The following LRP1B variants were observed in gnomAD, a reference collection of about 807,000 sequenced individuals.
LRP1B encodes LDL receptor related protein 1B, also known as low-density lipoprotein receptor-related protein 1B.
A neutral mutation model predicts 556.6 loss-of-function variants in LRP1B; 217 were observed. The ratio of observed to expected loss-of-function variants is 0.39; its 90% CI spans 0.35 to 0.44. The LOEUF (loss-of-function observed/expected upper bound fraction) is 0.44, where lower values mean the gene tolerates loss of function less well. LRP1B is among the 20% of genes least tolerant of loss of function. LRP1B has a pLI of 1.00. For synonymous variants in LRP1B, 2,047 were observed against 1,865.8 expected (o/e 1.10, Z -2.50); for missense variants, 5,053 against 5,620.8 (o/e 0.90, Z 3.23).
intron 2 of LRP1B, among the ~76,000 whole-genome samples, chr2:141,581,434 C>T (rs914694505): frequency 2.0e-5 from 3 of 152,012 alleles, no homozygotes; most frequent in African/African-American, 7.2e-5. Flanking sequence ...AAACACCTAT[C>T]TAGGTAGGTG....
intron 6 of LRP1B, among the ~76,000 whole-genome samples, chr2:141,206,524 T>A (rs1682290337): frequency 6.6e-6 from 1 of 151,874 alleles, no homozygotes; most frequent in Non-Finnish European, 1.5e-5. Context: ...GAGGCGGAGC[T>A]TGCAGTGAGC....
At chr2:141,211,315 A>AAAAT in intron 6 of LRP1B, among the ~76,000 whole-genome samples, 1 of 151,462 alleles carries the variant, frequency 6.6e-6, no homozygotes, top group South Asian at 2.1e-4. Context: ...AAAAAAAAAA[A>AAAAT]ACAAAACAAA....
intron 32 of LRP1B, among the ~76,000 whole-genome samples, chr2:140,789,049 T>C (rs959970623): frequency 1.2e-4 from 18 of 152,162 alleles, no homozygotes; most frequent in African/African-American, 4.3e-4. Flanking sequence ...ATAATGTCTA[T>C]TGTTTAAGAT....
intron 1 of LRP1B, among the ~76,000 whole-genome samples, chr2:142,046,661 T>A (rs1180414984): frequency 2.0e-5 from 3 of 152,012 alleles, no homozygotes; most frequent in African/African-American, 7.2e-5. Context: ...TGTTGGCCAT[T>A]GAAGTGAAAG....
intron 1 of LRP1B, among the ~76,000 whole-genome samples, chr2:142,055,271 T>A (rs1704627326): frequency 6.6e-6 from 1 of 151,984 alleles, no homozygotes; most frequent in Non-Finnish European, 1.5e-5. Context: ...TGGATAAAGG[T>A]AAGAAAACAT....
chr2:141,372,483 G>C (rs1005972625), intron 3 of LRP1B, among the ~76,000 whole-genome samples: 1 of 152,004 alleles, frequency 6.6e-6, no homozygotes, highest in Non-Finnish European at 1.5e-5. Flanking sequence ...ATGTTTGGTA[G>C]AATTTGGCTG....
At chr2:141,871,976 A>G (rs1698602141) in intron 1 of LRP1B, among the ~76,000 whole-genome samples, 1 of 151,984 alleles carries the variant, frequency 6.6e-6, no homozygotes, top group African/African-American at 2.4e-5. Context: ...TCACAGTGGG[A>G]AAGAGAAGAG....
intron 7 of LRP1B, among the ~76,000 whole-genome samples, chr2:141,074,926 T>C (rs1283708304): frequency 6.6e-6 from 1 of 152,138 alleles, no homozygotes; most frequent in Non-Finnish European, 1.5e-5. Context: ...AGTGATTAGT[T>C]CAGGGTTAGA....
At chr2:141,133,036 A>G (rs994396129) in intron 7 of LRP1B, among the ~76,000 whole-genome samples, 1 of 152,026 alleles carries the variant, frequency 6.6e-6, no homozygotes, top group African/African-American at 2.4e-5. Context: ...TTTCAACAGC[A>G]TGCATCTATG....
intron 3 of LRP1B, among the ~76,000 whole-genome samples, chr2:141,260,348 TA>T (rs1230011879): frequency 6.6e-6 from 1 of 152,218 alleles, no homozygotes; most frequent in East Asian, 1.9e-4. Flanking sequence ...GCATAGCTTT[TA>T]GGGGCTGTTT....
chr2:141,352,428 A>G (rs993913402), intron 3 of LRP1B, among the ~76,000 whole-genome samples: 2 of 151,864 alleles, frequency 1.3e-5, no homozygotes, highest in African/African-American at 4.8e-5. Flanking sequence ...AAAAGTTGCA[A>G]TGATAGTACA....
At chr2:140,946,582 C>A (rs116357730) in intron 20 of LRP1B, among the ~76,000 whole-genome samples, 1 of 152,020 alleles carries the variant, frequency 6.6e-6, no homozygotes, top group Non-Finnish European at 1.5e-5. Flanking sequence ...GCTTGGGCAA[C>A]AGAGTGATAC....
At chr2:141,143,756 C>A (rs1701714045) in intron 7 of LRP1B, among the ~76,000 whole-genome samples, 1 of 152,086 alleles carries the variant, frequency 6.6e-6, no homozygotes, top group African/African-American at 2.4e-5. Flanking sequence ...AGCTCTATCT[C>A]CCCCCAGTCT....
intron 2 of LRP1B, among the ~76,000 whole-genome samples, chr2:141,787,108 T>C (rs1276327221): frequency 6.6e-6 from 1 of 151,926 alleles, no homozygotes; most frequent in Non-Finnish European, 1.5e-5. Context: ...CTGGTAAAGA[T>C]GCAAAACAAC....
intron 7 of LRP1B, among the ~76,000 whole-genome samples, chr2:141,119,370 T>A (rs1700986271): frequency 6.6e-6 from 1 of 151,880 alleles, no homozygotes; most frequent in Non-Finnish European, 1.5e-5. Flanking sequence ...TATTTAGGGG[T>A]CTCTATGCAT....
intron 1 of LRP1B, among the ~76,000 whole-genome samples, chr2:142,113,281 C>T (rs1471839656): frequency 1.3e-5 from 2 of 151,986 alleles, no homozygotes; most frequent in African/African-American, 4.8e-5. Flanking sequence ...GTTAAAAATT[C>T]AATATGGGTG....
intron 82 of LRP1B, among the ~76,000 whole-genome samples, chr2:140,316,983 C>A (rs973209789): frequency 2.0e-5 from 3 of 152,014 alleles, no homozygotes; most frequent in Non-Finnish European, 2.9e-5. Context: ...CATTATCGAC[C>A]GAGTGCCCAG....
At chr2:140,599,003 G>A (rs771729121) in intron 42 of LRP1B, among the ~76,000 whole-genome samples, 168 bp from the exon 43 acceptor site, 1 of 152,040 alleles carries the variant, frequency 6.6e-6, no homozygotes, top group African/African-American at 2.4e-5. Context: ...TATTATATAT[G>A]CATGTTAATT....
intron 79 of LRP1B, among the ~76,000 whole-genome samples, chr2:140,331,694 T>C (rs1680823448): frequency 6.8e-6 from 1 of 147,942 alleles, no homozygotes. Context: ...TACATATATA[T>C]ATATATATAT....
Sources: gnomAD v4.1 joint callset for allele counts (sites outside exome capture counted in the v4.1 genomes callset) on GRCh38, gnomAD v4.1.1 for gene constraint, MANE v1.5 for transcripts, NCBI Gene and HGNC (gene_info 2026-07-23, HGNC 2026-07-21) for gene names.